PPL: variants seen among roughly 807,000 people sequenced by gnomAD.
PPL encodes the protein 190 kDa paraneoplastic pemphigus antigen.
A neutral mutation model predicts 194.4 loss-of-function variants in PPL; 198 were observed. That is an observed-to-expected ratio of 1.02 (90% CI 0.91 to 1.15). PPL has a LOEUF of 1.15. PPL is among the 50% of genes most tolerant of loss of function. The pLI is 0.00. For synonymous variants in PPL, 1,220 were observed against 972.4 expected, an observed-to-expected ratio of 1.25 and a Z score of -4.74; for missense variants, 2,885 against 2,294.8, an observed-to-expected ratio of 1.26 and a Z score of -5.25.
chr16:4,905,967 G>C (rs1270213123), intron 2 of PPL, among the ~76,000 whole-genome samples: 1 of 152,138 alleles, frequency 6.6e-6, no homozygotes, highest in South Asian at 2.1e-4. Context: ...AGGTAGCTGG[G>C]TGTGATGGCA....
At position 4,885,668 on chromosome 16, in the gene PPL, T is replaced by G; in HGVS notation, c.2987A>C (p.Glu996Ala). The change falls in exon 22 of 22, where the codon GAG becomes GCG. Residue 996 changes from glutamate (E) to alanine (A), a missense_variant. Physicochemically the swap from Glu to Ala is moderately radical, Grantham distance 107. Transcript: ENST00000345988. This position sits in a 1 kb window ranked among gnomAD's most constrained non-coding sequence, Gnocchi z 6.3. ...CCTGTCAGGCTCGATGCGCAGGACC[T>G]CCTTGACCACGTACTCCTGCCCCCC... is the stretch of plus-strand genomic sequence containing the variant. ...RDGGQEYVVK[E>A]VLRIEPDRAQ... is the part of the protein sequence containing the mutation. 1 of 1,612,806 alleles carries G rather than the reference T, an allele frequency of 6.2e-7. No homozygotes were observed. Among genetic ancestry groups the G allele is most frequent in the Non-Finnish European group, 8.5e-7 (1 of 1,179,652 alleles).
At chr16:4,931,151 C>T (rs1022960377) in intron 1 of PPL, among the ~76,000 whole-genome samples, 2 of 152,062 alleles carry the variant, frequency 1.3e-5, no homozygotes, top group Non-Finnish European at 2.9e-5. Context: ...CTCACTTGAG[C>T]CCAGGAGTTC....
chr16:4,897,437 A>T (rs1197432825), intron 9 of PPL, among the ~76,000 whole-genome samples: 4 of 151,202 alleles, frequency 2.6e-5, no homozygotes, highest in Non-Finnish European at 5.9e-5. Context: ...CCTGGGCCCC[A>T]TGTGACCTGG....
Position 4,884,687 on chromosome 16 carries a change from A to G in PPL, c.3968T>C (p.Val1323Ala). 6.2e-7 allele frequency: 1 copy of G among 1,613,864 alleles called. No individual in the cohort carries two copies. Among genetic ancestry groups the G allele is most frequent in the African/African-American group, 1.3e-5 (1 of 74,960 alleles). ...AKLSEEQKKQ[V>A]DLERERASQE... ...GGAAGCTCTTTCCCTCTCCAGATCCACTTGTTTCTTCTGCTCCTCTGAGAG... is the reference window on the plus strand; with the variant it reads ...GGAAGCTCTTTCCCTCTCCAGATCCGCTTGTTTCTTCTGCTCCTCTGAGAG... Residue 1323 changes from valine to alanine, a missense_variant, in exon 22 of 22, where the codon GTG becomes GCG. By Grantham distance (64) the Val-to-Ala change is moderately conservative (BLOSUM62 0). Coordinates refer to ENST00000345988, the MANE Select transcript of PPL (RefSeq NM_002705.5). This position sits in a 1 kb window ranked among gnomAD's most constrained non-coding sequence, Gnocchi z 5.7.
chr16:4,897,476 G>A (rs553994682), intron 9 of PPL, among the ~76,000 whole-genome samples, 199 bp downstream of exon 9: 1 of 152,274 alleles, frequency 6.6e-6, no homozygotes, highest in East Asian at 1.9e-4. Context: ...TGGTCCCCAG[G>A]GAAGTTGGAC....
rs745594289 is a variant in PPL, at chr16:4,885,839, T to C, written c.2816A>G (p.Lys939Arg). Residue 939 changes from lysine (K) to arginine (R), a missense_variant, in exon 22 of 22, where the codon AAG becomes AGG. Lys to Arg is a conservative substitution (Grantham distance 26). Coordinates refer to ENST00000345988, the MANE Select transcript of PPL (RefSeq NM_002705.5). This position sits in a 1 kb window ranked among gnomAD's most constrained non-coding sequence, Gnocchi z 6.3. ...CTCCAGCACGGGATCCGGCACCTTCTTGAGCACCTCCTTCCTCACCACCGA... is the reference window on the plus strand; with the variant it reads ...CTCCAGCACGGGATCCGGCACCTTCCTGAGCACCTCCTTCCTCACCACCGA... ...QESVVRKEVL[K>R]KVPDPVLEES... 1 of 1,607,928 alleles carries C rather than the reference T, an allele frequency of 6.2e-7. No homozygotes were observed. Among genetic ancestry groups the C allele is most frequent in the South Asian group, 1.1e-5 (1 of 91,084 alleles).
chr16:4,897,378 C>T (rs1254079152), intron 9 of PPL, among the ~76,000 whole-genome samples: 1 of 146,142 alleles, frequency 6.8e-6, no homozygotes, highest in Non-Finnish European at 1.5e-5. Flanking sequence ...TTTTATGTAT[C>T]TGCATGTATA....
At position 4,887,440 on chromosome 16, in the gene PPL, C is replaced by T. The variant is rs535168465; in HGVS notation, c.2515-213G>A. ...CAGAAGATCCAGGCCAGGGTCTTGGCCACACTGACTTTGAGCAAGTCTTTC... is the reference window on the plus strand; with the variant it reads ...CAGAAGATCCAGGCCAGGGTCTTGGTCACACTGACTTTGAGCAAGTCTTTC... On this transcript the variant is annotated intron_variant, in intron 20 of 21. Transcript: ENST00000345988. 3.9e-5 allele frequency among the ~76,000 whole-genome samples: 6 copies of T among 152,190 alleles called. No homozygotes were observed. The South Asian group carries it at 1.2e-3, about 32-fold the overall frequency.
At chr16:4,923,990 C>G (rs775050864) in intron 1 of PPL, among the ~76,000 whole-genome samples, 14 of 152,156 alleles carry the variant, frequency 9.2e-5, no homozygotes, top group Non-Finnish European at 1.8e-4. Context: ...CCTGTCTCAG[C>G]CTTAATTTCT....
intron 1 of PPL, among the ~76,000 whole-genome samples, chr16:4,935,044 G>A (rs970098713): frequency 2.0e-5 from 3 of 152,182 alleles, no homozygotes; most frequent in African/African-American, 2.4e-5. Flanking sequence ...AGAAAGAGAC[G>A]TCTAAATGGA....
In PPL at chr16:4,885,566, T is replaced by C. The variant is rs914513828; in HGVS notation, c.3089A>G (p.Glu1030Gly). 8 of 1,610,728 alleles carry C rather than the reference T, an allele frequency of 5.0e-6. No individual in the cohort carries two copies. The Admixed American group carries it at 5.0e-5, about 10-fold the overall frequency. ...LRRQKGAREA[E>G]VLLLQQRVAA... The stretch of plus-strand genomic sequence containing the variant: ...CACACGCTGCTGCAGGAGGAGCACC[T>C]CTGCCTCCCGGGCGCCCTTCTGCCG... The change falls in exon 22 of 22, where the codon GAG becomes GGG. Residue 1030 changes from glutamate to glycine, a missense_variant. Transcript: ENST00000345988. The surrounding 1 kb of genome is among the most constrained non-coding windows in gnomAD (Gnocchi z 6.3).
rs577163843 is a variant in PPL at position 4,883,815 on chromosome 16, A to G, written c.4840T>C (p.Ser1614Pro). The G allele has an allele frequency of 3.7e-6, 6 of 1,613,906 alleles. No homozygotes were observed. The highest frequency in any genetic ancestry group is 1.7e-5 in the Admixed American group (1 of 60,000). The change falls in exon 22 of 22, where the codon TCC (serine) becomes CCC (proline). Residue 1614 changes from serine to proline, a missense_variant. Physicochemically the swap from Ser to Pro is moderately conservative, Grantham distance 74. Transcript: ENST00000345988. The surrounding 1 kb of genome is among the most constrained non-coding windows in gnomAD (Gnocchi z 4.8). The stretch of plus-strand genomic sequence containing the variant: ...AGGTCATCCAGTTCCCTCTCCAGGG[A>G]CCACAGTCTGGAGTCATGGTTGGTC... ...SGTNHDSRLWSLERELDDLKR... is the reference protein window; with the variant it reads ...SGTNHDSRLWPLERELDDLKR...
intron 1 of PPL, among the ~76,000 whole-genome samples, chr16:4,918,897 C>G (rs539366310): frequency 6.6e-6 from 1 of 152,230 alleles, no homozygotes; most frequent in African/African-American, 2.4e-5. Flanking sequence ...GGGAAACCGG[C>G]TAGGCTGGTC....
At chr16:4,905,081 G>T (rs1201979533) in intron 2 of PPL, among the ~76,000 whole-genome samples, 2 of 152,180 alleles carry the variant, frequency 1.3e-5, no homozygotes, top group Non-Finnish European at 2.9e-5. Context: ...GGGATCCCCA[G>T]TCCCGCAGGG....
At chr16:4,935,122 G>A (rs899269575) in intron 1 of PPL, among the ~76,000 whole-genome samples, 2 of 152,188 alleles carry the variant, frequency 1.3e-5, no homozygotes, top group African/African-American at 4.8e-5. Flanking sequence ...TACAGAGAGT[G>A]GCAGGACCCC....
chr16:4,914,241 G>A (rs552927990), intron 1 of PPL, among the ~76,000 whole-genome samples: 13 of 152,306 alleles, frequency 8.5e-5, no homozygotes, highest in Admixed American at 4.6e-4. Context: ...ATGCTCCCCA[G>A]ATCAAGGTTC....
intron 1 of PPL, among the ~76,000 whole-genome samples, chr16:4,912,487 T>C (rs2088837913): frequency 6.6e-6 from 1 of 152,286 alleles, no homozygotes. Flanking sequence ...CTTTGGGCCA[T>C]CGTGAGAATC....
intron 1 of PPL, among the ~76,000 whole-genome samples, chr16:4,917,835 G>C (rs1177981864): frequency 6.6e-6 from 1 of 152,104 alleles, no homozygotes; most frequent in Non-Finnish European, 1.5e-5. Context: ...CCAGGGGGTT[G>C]AGGCTGCAGT....
At chr16:4,911,824 C>A (rs2088825776) in intron 1 of PPL, among the ~76,000 whole-genome samples, 1 of 152,100 alleles carries the variant, frequency 6.6e-6, no homozygotes, top group Non-Finnish European at 1.5e-5. Flanking sequence ...AGATGTCAGC[C>A]ACCAGGCCCC....
Sources: gnomAD v4.1 joint callset for allele counts (sites outside exome capture counted in the v4.1 genomes callset) on GRCh38, gnomAD v4.1.1 for gene constraint, Gnocchi (gnomAD v3.1) non-coding constraint, MANE v1.5 for transcripts, NCBI Gene and HGNC (gene_info 2026-07-23, HGNC 2026-07-21) for gene names.